DDX46: variants seen among roughly 807,000 people sequenced by gnomAD.
DDX46 encodes the protein probable ATP-dependent RNA helicase DDX46.
DDX46 carries 30 observed loss-of-function variants against 134.9 expected under a neutral mutation model. The observed-to-expected ratio is 0.22, with a 90% CI of 0.17 to 0.30. The LOEUF (loss-of-function observed/expected upper bound fraction) is 0.30, where lower values mean the gene tolerates loss of function less well. Ranked by LOEUF, DDX46 falls within the 10% of genes least tolerant of loss-of-function variation. The pLI, the probability that DDX46 is intolerant of heterozygous loss-of-function variation, is 1.00. For synonymous variants in DDX46, 415 were observed against 404.1 expected, an observed-to-expected ratio of 1.03 and a Z score of -0.32; for missense variants, 622 against 1,248.7, an observed-to-expected ratio of 0.50 and a Z score of 7.56.
chr5:134,766,443 A>T (rs1426153672), intron 2 of DDX46, among the ~76,000 whole-genome samples: 1 of 151,882 alleles, frequency 6.6e-6, no homozygotes, highest in Non-Finnish European at 1.5e-5. Context: ...AATCCCAGCT[A>T]CTCAGGAGGC....
rs1753284336 is a variant in DDX46 at position 134,758,867 on chromosome 5, C to T, written c.-72C>T. 3 of 1,612,154 alleles carry T rather than the reference C, an allele frequency of 1.9e-6. No homozygotes were observed. The highest frequency in any genetic ancestry group is 2.7e-5 in the African/African-American group (2 of 75,030). On this transcript the variant is annotated 5_prime_UTR_variant, in exon 1 of 23. Transcript: ENST00000452510. ...GGTCTTTGCCGGGCGTTGAGGGCAGCTCAGCCTCCTTGTTTGTCCGGTTCG... is the reference window on the plus strand; with the variant it reads ...GGTCTTTGCCGGGCGTTGAGGGCAGTTCAGCCTCCTTGTTTGTCCGGTTCG...
intron 5 of DDX46, among the ~76,000 whole-genome samples, chr5:134,776,750 A>G (rs1243423580): frequency 6.6e-6 from 1 of 151,798 alleles, no homozygotes; most frequent in Non-Finnish European, 1.5e-5. Context: ...CCCCGTCTCT[A>G]CTAAATACAA....
intron 4 of DDX46, among the ~76,000 whole-genome samples, chr5:134,771,827 G>A (rs1033517389): frequency 2.6e-5 from 4 of 152,146 alleles, no homozygotes; most frequent in Non-Finnish European, 4.4e-5. Flanking sequence ...ACCCCTGTGG[G>A]AAAATTTTCT....
intron 3 of DDX46, among the ~76,000 whole-genome samples, chr5:134,767,886 G>T (rs1286432460): frequency 6.6e-6 from 1 of 151,208 alleles, no homozygotes; most frequent in Non-Finnish European, 1.5e-5. Context: ...GGAGGCAGAG[G>T]TTGCGGTGAG....
At chr5:134,759,365 A>C (rs1440769471) in intron 1 of DDX46, among the ~76,000 whole-genome samples, 2 of 152,116 alleles carry the variant, frequency 1.3e-5, no homozygotes, top group Non-Finnish European at 2.9e-5. Flanking sequence ...ATCTTTTCCC[A>C]AGTTACTTGA....
intron 15 of DDX46, chr5:134,804,852 C>CT: frequency 2.4e-6 from 1 of 412,300 alleles, no homozygotes; most frequent in Admixed American, 2.7e-5. Flanking sequence ...GGAAAGCATG[C>CT]TTAATCCTGT....
At chr5:134,777,468 G>T in intron 5 of DDX46, 106 bp from the exon 6 acceptor site, 2 of 1,256,898 alleles carry the variant, frequency 1.6e-6, no homozygotes, top group South Asian at 1.4e-5. Flanking sequence ...TGGAAAAGGG[G>T]TGTTTGGGCA....
chr5:134,783,108 T>C, intron 9 of DDX46, 43 bp downstream of exon 9: 1 of 1,603,840 alleles, frequency 6.2e-7, no homozygotes, highest in Non-Finnish European at 8.5e-7. Flanking sequence ...GTCTTGCTGC[T>C]CAAAATAGTC....
chr5:134,792,233 T>TA (rs1369607653), intron 13 of DDX46, among the ~76,000 whole-genome samples: 2 of 152,176 alleles, frequency 1.3e-5, no homozygotes, highest in Middle Eastern at 3.4e-3. Flanking sequence ...GAGTAGAAGA[T>TA]AAGATAGCAT....
chr5:134,766,778 G>T lies in DDX46; in HGVS notation c.207-139G>T, dbSNP rs939465742. 3 of 1,013,190 alleles carry T rather than the reference G, an allele frequency of 3.0e-6. No individual in the cohort carries two copies. In the Admixed American group the frequency reaches 9.8e-5, roughly 33 times the overall value. 62.8% of individuals were successfully genotyped at this position (1,013,190 alleles called of 1,614,324 possible). ...CATTTTTTTCGTTGAGCACTTATAA[G>T]ACTTGGCTTTACTTCATTGAGACCT... On this transcript the variant is annotated intron_variant, in intron 2 of 22. Transcript: ENST00000452510.
chr5:134,767,382 A>G (rs1753609286), intron 3 of DDX46, among the ~76,000 whole-genome samples: 1 of 152,138 alleles, frequency 6.6e-6, no homozygotes, highest in South Asian at 2.1e-4. Context: ...TCTGTTGCCC[A>G]GGCTGGAGTG....
intron 22 of DDX46, among the ~76,000 whole-genome samples, 167 bp downstream of exon 22, chr5:134,827,187 C>G (rs570803423): frequency 6.6e-6 from 1 of 152,254 alleles, no homozygotes; most frequent in Middle Eastern, 3.4e-3. Context: ...AAAAACATTA[C>G]TAATATCCCA....
chr5:134,783,127 C>T (rs1479895416), intron 9 of DDX46, 62 bp downstream of exon 9: 3 of 1,561,336 alleles, frequency 1.9e-6, no homozygotes, highest in Non-Finnish European at 8.7e-7. Flanking sequence ...TCCTTCCACA[C>T]CAGTGTCTCC....
At chr5:134,790,178 G>A (rs1754462348) in intron 12 of DDX46, 1 of 531,114 alleles carries the variant, frequency 1.9e-6, no homozygotes, top group Non-Finnish European at 3.6e-6. Context: ...GTGTTTTGGA[G>A]AGGGCTGTTT....
At chr5:134,771,050 T>G (rs766476310) in intron 4 of DDX46, 51 bp downstream of exon 4, 261 of 711,984 alleles carry the variant, frequency 3.7e-4, no homozygotes, top group African/African-American at 3.5e-3. Flanking sequence ...TTGTCTTTCT[T>G]TCTTTCTTTT....
At chr5:134,817,407 A>G (rs1474524401) in intron 19 of DDX46, 89 bp from the exon 20 acceptor site, 1 of 1,277,656 alleles carries the variant, frequency 7.8e-7, no homozygotes. Flanking sequence ...ATACAAAGTT[A>G]GTAGCTTTTC....
chr5:134,817,745 G>A (rs1200302111), intron 20 of DDX46, 31 bp downstream of exon 20: 2 of 1,576,328 alleles, frequency 1.3e-6, no homozygotes, highest in Non-Finnish European at 1.7e-6. Flanking sequence ...TTTTTTTATT[G>A]TGAAGTAGCA....
intron 5 of DDX46, among the ~76,000 whole-genome samples, chr5:134,774,300 T>C (rs1264585228): frequency 6.6e-6 from 1 of 151,868 alleles, no homozygotes; most frequent in Non-Finnish European, 1.5e-5. Flanking sequence ...CCTTTCTTTA[T>C]ATGGCTGAAT....
chr5:134,796,980 G>A (rs541870306), intron 15 of DDX46, among the ~76,000 whole-genome samples: 74 of 148,134 alleles, frequency 5.0e-4, no homozygotes, highest in Admixed American at 1.6e-3. Flanking sequence ...GGAGAAACCC[G>A]TCTCTATTAA....
Sources: gnomAD v4.1 joint callset for allele counts (sites outside exome capture counted in the v4.1 genomes callset) on GRCh38, gnomAD v4.1.1 for gene constraint, MANE v1.5 for transcripts, NCBI Gene and HGNC (gene_info 2026-07-23, HGNC 2026-07-21) for gene names.